The following TBX15 variants were observed in gnomAD, a reference collection of about 807,000 sequenced individuals.
TBX15 encodes T-box transcription factor TBX15.
Under a neutral mutation model 53.9 loss-of-function variants are expected in TBX15, and 18 were observed. The observed-to-expected ratio is 0.33, with a 90% CI of 0.23 to 0.49. The LOEUF (loss-of-function observed/expected upper bound fraction) is 0.49, where lower values mean the gene tolerates loss of function less well. Among genes scored for constraint, TBX15 ranks in the 20% least tolerant of loss-of-function variants. The probability of loss-of-function intolerance (pLI) is 0.98; values close to 1 mark genes in which losing one functional copy is unlikely to be tolerated. For missense variants in TBX15, 692 were observed against 749.5 expected (o/e 0.92, Z 0.90); for synonymous variants, 295 against 278.0 (o/e 1.06, Z -0.61).
intron 1 of TBX15, among the ~76,000 whole-genome samples, chr1:118,932,781 T>C (rs1655841386): frequency 6.6e-6 from 1 of 152,116 alleles, no homozygotes; most frequent in Non-Finnish European, 1.5e-5. Context: ...TTTTAAATAT[T>C]TACCTTTAGG....
At chr1:118,987,291 G>C (rs996820564) in intron 1 of TBX15, among the ~76,000 whole-genome samples, 5 of 152,184 alleles carry the variant, frequency 3.3e-5, no homozygotes, top group African/African-American at 7.2e-5. Context: ...CCCAGGGACC[G>C]GCAGCCCTTC....
intron 1 of TBX15, among the ~76,000 whole-genome samples, chr1:118,976,299 CTTGTTG>C (rs1003609221): frequency 6.6e-6 from 1 of 151,990 alleles, no homozygotes; most frequent in African/African-American, 2.4e-5. Context: ...TTCTTTTATT[CTTGTTG>C]TTGTTGTTGT....
chr1:118,956,416 G>A (rs1464819896), intron 1 of TBX15, among the ~76,000 whole-genome samples: 11 of 152,052 alleles, frequency 7.2e-5, no homozygotes, highest in Non-Finnish European at 1.5e-5. Context: ...ATATATAAAT[G>A]TTTATACAAA....
chr1:118,922,995 A>T (rs1455826783), intron 5 of TBX15, among the ~76,000 whole-genome samples: 1 of 151,990 alleles, frequency 6.6e-6, no homozygotes, highest in Non-Finnish European at 1.5e-5. Flanking sequence ...CAAAGAACTC[A>T]GACTCTTACT....
At chr1:118,917,974 A>G (rs142624722) in intron 5 of TBX15, among the ~76,000 whole-genome samples, 242 of 152,284 alleles carry the variant, frequency 1.6e-3, no homozygotes, top group African/African-American at 5.6e-3. Flanking sequence ...AGATGCTCCC[A>G]GTTCTGGAAT....
At chr1:118,956,735 G>T (rs925028130) in intron 1 of TBX15, among the ~76,000 whole-genome samples, 1 of 151,876 alleles carries the variant, frequency 6.6e-6, no homozygotes, top group South Asian at 2.1e-4. Context: ...GGAAGATCAC[G>T]AGGTCAGGAG....
At chr1:118,931,124 A>G (rs1655767982) in intron 2 of TBX15, among the ~76,000 whole-genome samples, 2 of 152,374 alleles carry the variant, frequency 1.3e-5, no homozygotes, top group Admixed American at 1.3e-4. Context: ...TAGGTCACCA[A>G]TAAAGTTGTG....
chr1:118,964,228 A>G (rs1270914710), intron 1 of TBX15, among the ~76,000 whole-genome samples: 1 of 152,242 alleles, frequency 6.6e-6, no homozygotes, highest in South Asian at 2.1e-4. Context: ...TTGTCTTGCC[A>G]TGGGGCTGAA....
At chr1:118,905,501 A>G (rs1654786041) in intron 6 of TBX15, among the ~76,000 whole-genome samples, 1 of 152,228 alleles carries the variant, frequency 6.6e-6, no homozygotes, top group Non-Finnish European at 1.5e-5. Flanking sequence ...AAAGAATATG[A>G]TAAACAGCTA....
At chr1:118,974,828 C>T (rs1271678459) in intron 1 of TBX15, among the ~76,000 whole-genome samples, 2 of 152,304 alleles carry the variant, frequency 1.3e-5, no homozygotes, top group East Asian at 1.9e-4. Flanking sequence ...GTCCTCAAGG[C>T]AGTTTCCTAA....
chr1:118,932,652 G>GTCCA (rs1310222221), intron 1 of TBX15, among the ~76,000 whole-genome samples: 1 of 152,138 alleles, frequency 6.6e-6, no homozygotes, highest in Non-Finnish European at 1.5e-5. Flanking sequence ...TGGCATGCTG[G>GTCCA]TCCAGATGGT....
At chr1:118,887,491 A>G (rs1168163047) in intron 7 of TBX15, among the ~76,000 whole-genome samples, 1 of 152,172 alleles carries the variant, frequency 6.6e-6, no homozygotes, top group Non-Finnish European at 1.5e-5. Context: ...CCTGGCCTAC[A>G]TGGTGAAACC....
At chr1:118,936,205 G>A (rs12091291) in intron 1 of TBX15, among the ~76,000 whole-genome samples, 42,075 of 152,052 alleles carry the variant, frequency 0.28, 6,225 homozygotes, top group Non-Finnish European at 0.32. Flanking sequence ...CTAATGGGTG[G>A]ATTAGTAGTA....
At chr1:118,914,949 A>G (rs1035699109) in intron 5 of TBX15, among the ~76,000 whole-genome samples, 2 of 152,192 alleles carry the variant, frequency 1.3e-5, no homozygotes, top group African/African-American at 4.8e-5. Context: ...CTCAGGGGCC[A>G]TGTGGTTCAA....
chr1:118,909,994 C>T (rs12138046), intron 6 of TBX15, among the ~76,000 whole-genome samples: 20,294 of 152,196 alleles, frequency 0.13, 1,542 homozygotes, highest in Middle Eastern at 0.29. Flanking sequence ...CAGGGGGCTA[C>T]ACTCGGATGG....
intron 1 of TBX15, among the ~76,000 whole-genome samples, chr1:118,950,030 C>T (rs796109010): frequency 1.3e-5 from 2 of 152,194 alleles, no homozygotes; most frequent in African/African-American, 4.8e-5. Context: ...AAAATAATCT[C>T]CTACTATCTG....
At chr1:118,908,026 G>A (rs562188582) in intron 6 of TBX15, among the ~76,000 whole-genome samples, 6 of 152,046 alleles carry the variant, frequency 3.9e-5, no homozygotes, top group African/African-American at 1.2e-4. Context: ...ATCAGTCTCC[G>A]ATTTTAATCA....
chr1:118,904,331 A>G (rs923087325), intron 6 of TBX15, among the ~76,000 whole-genome samples: 1 of 152,124 alleles, frequency 6.6e-6, no homozygotes, highest in Non-Finnish European at 1.5e-5. Context: ...AACCTTCCAT[A>G]CTTCTTTCTC....
At chr1:118,906,437 C>T (rs1314796804) in intron 6 of TBX15, among the ~76,000 whole-genome samples, 1 of 152,122 alleles carries the variant, frequency 6.6e-6, no homozygotes, top group East Asian at 1.9e-4. Context: ...CCCTTCTTTT[C>T]CTTCTGCTAA....
Sources: gnomAD v4.1 joint callset for allele counts (sites outside exome capture counted in the v4.1 genomes callset) on GRCh38, gnomAD v4.1.1 for gene constraint, MANE v1.5 for transcripts, NCBI Gene and HGNC (gene_info 2026-07-23, HGNC 2026-07-21) for gene names.